The following PCDHA8 variants were observed in gnomAD, a reference collection of about 807,000 sequenced individuals.
PCDHA8 encodes protocadherin alpha 8, also known as protocadherin alpha-8.
A neutral mutation model predicts 61.8 loss-of-function variants in PCDHA8; 53 were observed. The observed-to-expected ratio is 0.86, with a 90% CI of 0.69 to 1.08. The LOEUF is 1.08. Among genes scored for constraint, PCDHA8 ranks in the 50% least tolerant of loss-of-function variants. PCDHA8 has a pLI of 0.00. For synonymous variants in PCDHA8, 618 were observed against 556.6 expected, an observed-to-expected ratio of 1.11 and a Z score of -1.55; for missense variants, 1,293 against 1,245.0, an observed-to-expected ratio of 1.04 and a Z score of -0.58.
chr5:140,847,343 G>C (rs1554141738), intron 1 of PCDHA8: 1 of 149,722 alleles, frequency 6.7e-6, no homozygotes, highest in Non-Finnish European at 1.5e-5. Flanking sequence ...CACCTCTTAG[G>C]CTGTTATCAG....
intron 1 of PCDHA8, among the ~76,000 whole-genome samples, chr5:140,953,811 A>T (rs782282216): frequency 3.3e-5 from 5 of 152,074 alleles, no homozygotes; most frequent in Non-Finnish European, 5.9e-5. Context: ...TCTGAGGTGC[A>T]TGTGCTAGTT....
At chr5:140,985,577 G>A (rs1265916995) in intron 3 of PCDHA8, among the ~76,000 whole-genome samples, 1 of 152,116 alleles carries the variant, frequency 6.6e-6, no homozygotes, top group Non-Finnish European at 1.5e-5. Flanking sequence ...TGGTGCCTAA[G>A]CCTCCTTATA....
intron 1 of PCDHA8, among the ~76,000 whole-genome samples, chr5:140,960,656 G>T (rs553083977): frequency 1.3e-5 from 2 of 152,218 alleles, no homozygotes; most frequent in Admixed American, 1.3e-4. Context: ...CCAAATCAAT[G>T]AATGCTTTGG....
intron 1 of PCDHA8, among the ~76,000 whole-genome samples, chr5:140,922,031 G>T (rs933616833): frequency 6.6e-6 from 1 of 152,010 alleles, no homozygotes; most frequent in African/African-American, 2.4e-5. Context: ...TATAAAAAAT[G>T]TAATTTTCCC....
intron 3 of PCDHA8, among the ~76,000 whole-genome samples, chr5:140,999,585 G>C (rs1240906342): frequency 6.6e-6 from 1 of 152,152 alleles, no homozygotes; most frequent in Non-Finnish European, 1.5e-5. Flanking sequence ...AAGGGAAATT[G>C]CCTTCCCTAC....
chr5:140,974,709 C>T (rs1385583490), intron 1 of PCDHA8, among the ~76,000 whole-genome samples: 1 of 152,092 alleles, frequency 6.6e-6, no homozygotes, highest in Non-Finnish European at 1.5e-5. Flanking sequence ...CCATGTTGTT[C>T]AAGCTGCTCT....
intron 1 of PCDHA8, among the ~76,000 whole-genome samples, chr5:140,963,839 G>A (rs566875036): frequency 1.3e-5 from 2 of 152,290 alleles, no homozygotes; most frequent in African/African-American, 2.4e-5. Flanking sequence ...ATTTTCTCAT[G>A]TAATCATAAT....
At chr5:140,968,460 C>T (rs1554230749) in intron 1 of PCDHA8, 3 of 1,613,978 alleles carry the variant, frequency 1.9e-6, no homozygotes, top group Non-Finnish European at 2.5e-6. Context: ...ACTGTGACTG[C>T]CAACGTATAT....
chr5:140,902,381 A>G (rs2153476778), intron 1 of PCDHA8, among the ~76,000 whole-genome samples: 1 of 152,036 alleles, frequency 6.6e-6, no homozygotes, highest in South Asian at 2.1e-4. Flanking sequence ...TGCTCTAGCT[A>G]AGAGTACTAT....
intron 1 of PCDHA8, among the ~76,000 whole-genome samples, chr5:140,973,624 A>G (rs2096595807): frequency 6.6e-6 from 1 of 152,204 alleles, no homozygotes; most frequent in African/African-American, 2.4e-5. Flanking sequence ...CTGTTTCTGT[A>G]TCTTGTACAC....
chr5:140,967,279 T>C, intron 1 of PCDHA8: 1 of 1,613,002 alleles, frequency 6.2e-7, no homozygotes, highest in South Asian at 1.1e-5. Context: ...ACATAGAGAG[T>C]GCGCAGGACC....
At chr5:140,911,189 A>T (rs1369810973) in intron 1 of PCDHA8, among the ~76,000 whole-genome samples, 1 of 152,126 alleles carries the variant, frequency 6.6e-6, no homozygotes, top group African/African-American at 2.4e-5. Flanking sequence ...TGGGTTGGGG[A>T]GGACATGTTG....
intron 1 of PCDHA8, chr5:140,883,933 G>C: frequency 6.2e-7 from 1 of 1,613,398 alleles, no homozygotes; most frequent in Non-Finnish European, 8.5e-7. Flanking sequence ...AGGTGTTCGT[G>C]CTGGACGAGA....
rs1175289327 is a variant in PCDHA8 at position 140,945,113 on chromosome 5, T to TA, written c.2395-33830dup. ...TAATAAACAAAATAAAGTTGAAAGA[T>TA]AAAAAATCAACTTACAAAAATCAAT... On this transcript the variant is annotated intron_variant, in intron 1 of 3. Coordinates refer to ENST00000531613, the MANE Select transcript of PCDHA8 (RefSeq NM_018911.3). Among the ~76,000 whole-genome samples, 7 of 152,200 alleles carry TA rather than the reference T, an allele frequency of 4.6e-5. No individual in the cohort carries two copies. In the East Asian group the frequency reaches 1.2e-3, roughly 25 times the overall value.
chr5:140,909,117 G>T lies in PCDHA8; in HGVS notation c.2394+65402G>T, dbSNP rs576916273. Among the ~76,000 whole-genome samples the T allele has an allele frequency of 1.1e-4, 16 of 152,272 alleles. No homozygotes were observed. The South Asian group carries it at 3.1e-3, about 30-fold the overall frequency. On this transcript the variant is annotated intron_variant, in intron 1 of 3. Transcript: ENST00000531613. ...ACTCACTGGGTCCAATCAGCAAAAT[G>T]TCATCAAGGTAATGAACCAGTGTGA...
At chr5:140,918,428 T>C (rs2078691655) in intron 1 of PCDHA8, among the ~76,000 whole-genome samples, 1 of 152,194 alleles carries the variant, frequency 6.6e-6, no homozygotes, top group African/African-American at 2.4e-5. Context: ...AGTAGGATGT[T>C]GAATAGGAGT....
At position 140,982,508 on chromosome 5, in the gene PCDHA8, G is replaced by A. The variant is rs1586930589; in HGVS notation, c.2487G>A (p.Arg829=). The change falls in exon 3 of 4, where the codon CGG becomes CGA. Residue 829 remains arginine, a synonymous_variant. Transcript: ENST00000531613. The part of the protein sequence containing the change: ...SVHLEEAGIL[R]AGPGGPDQQW... The stretch of plus-strand genomic sequence containing the variant: ...ACCTAGAGGAGGCTGGCATTCTACG[G>A]GCTGGTCCAGGAGGGCCTGATCAGC... The A allele has an allele frequency of 6.2e-7, 1 of 1,614,154 alleles. No individual in the cohort carries two copies. Among genetic ancestry groups the A allele is most frequent in the Non-Finnish European group, 8.5e-7 (1 of 1,180,018 alleles).
At chr5:140,859,768 T>A (rs1469606357) in intron 1 of PCDHA8, 1 of 152,934 alleles carries the variant, frequency 6.5e-6, no homozygotes, top group Non-Finnish European at 1.5e-5. Flanking sequence ...ATACTCTCCA[T>A]GCCCTGTCTC....
chr5:140,969,863 C>A (rs1305470999), intron 1 of PCDHA8, among the ~76,000 whole-genome samples: 1 of 152,156 alleles, frequency 6.6e-6, no homozygotes, highest in Non-Finnish European at 1.5e-5. Context: ...CTGGTACTTG[C>A]ACTGAACCTA....
Sources: gnomAD v4.1 joint callset for allele counts (sites outside exome capture counted in the v4.1 genomes callset) on GRCh38, gnomAD v4.1.1 for gene constraint, MANE v1.5 for transcripts, NCBI Gene and HGNC (gene_info 2026-07-23, HGNC 2026-07-21) for gene names.